The following CTNNA3 variants were observed in gnomAD, a reference collection of about 807,000 sequenced individuals.
CTNNA3 encodes the protein catenin alpha 3.
In CTNNA3, 76 loss-of-function variants were observed where a neutral mutation model predicts 95.7. The ratio of observed to expected loss-of-function variants is 0.79; its 90% CI spans 0.66 to 0.96. The LOEUF (loss-of-function observed/expected upper bound fraction) is 0.96. CTNNA3 is among the 40% of genes least tolerant of loss of function. The probability of loss-of-function intolerance (pLI) is 0.00; values close to 1 mark genes in which losing one functional copy is unlikely to be tolerated. For missense variants in CTNNA3, 1,191 were observed against 1,089.8 expected, an observed-to-expected ratio of 1.09 and a Z score of -1.31; for synonymous variants, 431 against 374.4, an observed-to-expected ratio of 1.15 and a Z score of -1.74.
intron 7 of CTNNA3, among the ~76,000 whole-genome samples, chr10:67,068,946 G>T (rs1315118505): frequency 6.6e-6 from 1 of 152,122 alleles, no homozygotes; most frequent in Non-Finnish European, 1.5e-5. Context: ...TGTAATCCCA[G>T]CTACTCAGGA....
At chr10:67,170,152 G>T (rs868424253) in intron 7 of CTNNA3, among the ~76,000 whole-genome samples, 1 of 152,086 alleles carries the variant, frequency 6.6e-6, no homozygotes, top group Non-Finnish European at 1.5e-5. Flanking sequence ...AGAAAAGGAA[G>T]CACTTATATA....
chr10:67,220,752 A>T (rs1449551596), intron 5 of CTNNA3, among the ~76,000 whole-genome samples: 2 of 152,136 alleles, frequency 1.3e-5, no homozygotes, highest in Non-Finnish European at 2.9e-5. Context: ...GATCAGAACT[A>T]GCTCAATATA....
chr10:67,289,272 A>G (rs913344877), intron 5 of CTNNA3, among the ~76,000 whole-genome samples: 3 of 152,196 alleles, frequency 2.0e-5, no homozygotes, highest in African/African-American at 7.2e-5. Flanking sequence ...CCTTAGATGT[A>G]AAAAGAGAAG....
chr10:66,754,163 G>A (rs1268886251), intron 9 of CTNNA3, among the ~76,000 whole-genome samples: 1 of 152,154 alleles, frequency 6.6e-6, no homozygotes, highest in East Asian at 1.9e-4. Flanking sequence ...AGATAGAGTG[G>A]TACTGGCATA....
intron 9 of CTNNA3, among the ~76,000 whole-genome samples, chr10:66,748,321 C>T (rs1195762067): frequency 6.6e-6 from 1 of 152,118 alleles, no homozygotes; most frequent in African/African-American, 2.4e-5. Flanking sequence ...AATTATACTA[C>T]TGCTTTCATG....
intron 13 of CTNNA3, among the ~76,000 whole-genome samples, chr10:66,138,830 G>A (rs2083472955): frequency 6.6e-6 from 1 of 152,172 alleles, no homozygotes; most frequent in Non-Finnish European, 1.5e-5. Flanking sequence ...CTGCATTCCA[G>A]CCTGGGAACA....
intron 7 of CTNNA3, among the ~76,000 whole-genome samples, chr10:67,160,097 G>A (rs1861470767): frequency 6.6e-6 from 1 of 151,958 alleles, no homozygotes; most frequent in African/African-American, 2.4e-5. Context: ...AAAAAATACA[G>A]ATACTCAGAG....
chr10:66,348,302 T>C (rs1392251248), intron 12 of CTNNA3, among the ~76,000 whole-genome samples: 4 of 152,124 alleles, frequency 2.6e-5, no homozygotes, highest in Non-Finnish European at 5.9e-5. Flanking sequence ...ACAGCAGATT[T>C]GCATTTTGCT....
At chr10:66,693,676 C>G (rs546440154) in intron 9 of CTNNA3, among the ~76,000 whole-genome samples, 4 of 152,114 alleles carry the variant, frequency 2.6e-5, no homozygotes, top group Admixed American at 1.3e-4. Context: ...CAGCACCACA[C>G]CACACCTATT....
At chr10:66,230,079 C>A (rs2089513975) in intron 13 of CTNNA3, among the ~76,000 whole-genome samples, 1 of 151,876 alleles carries the variant, frequency 6.6e-6, no homozygotes, top group South Asian at 2.1e-4. Context: ...CAGGTTGGAT[C>A]TTTTTAAACA....
chr10:66,672,490 G>A (rs2394285), intron 9 of CTNNA3, among the ~76,000 whole-genome samples: 84,264 of 151,752 alleles, frequency 0.56, 24,138 homozygotes, highest in African/African-American at 0.69. Flanking sequence ...ATGAGATGTC[G>A]AAGTTGAGGT....
intron 15 of CTNNA3, among the ~76,000 whole-genome samples, chr10:66,066,410 A>T (rs753596699): frequency 6.6e-6 from 1 of 152,130 alleles, no homozygotes. Context: ...GCTTGTGATT[A>T]TATGTGTGGA....
chr10:67,216,897 T>G (rs905630358), intron 6 of CTNNA3, among the ~76,000 whole-genome samples: 1 of 152,326 alleles, frequency 6.6e-6, no homozygotes, highest in African/African-American at 2.4e-5. Context: ...TCAGCACTTC[T>G]CAGCTCTCAT....
chr10:67,292,551 C>A (rs949547583), intron 5 of CTNNA3, among the ~76,000 whole-genome samples: 2 of 152,060 alleles, frequency 1.3e-5, no homozygotes, highest in African/African-American at 4.8e-5. Context: ...TTTTCAGATT[C>A]CATAATTAGT....
chr10:66,354,770 G>C (rs568473625), intron 12 of CTNNA3, among the ~76,000 whole-genome samples: 2 of 151,902 alleles, frequency 1.3e-5, no homozygotes, highest in African/African-American at 4.8e-5. Context: ...CTCTCTTCCC[G>C]AACTAACTGT....
chr10:66,742,206 C>T (rs889750053), intron 9 of CTNNA3, among the ~76,000 whole-genome samples: 2 of 152,120 alleles, frequency 1.3e-5, no homozygotes, highest in Admixed American at 1.3e-4. Flanking sequence ...CTGAAATGGC[C>T]GCTTTGGGGA....
At chr10:66,843,503 A>G (rs916297732) in intron 7 of CTNNA3, among the ~76,000 whole-genome samples, 1 of 152,176 alleles carries the variant, frequency 6.6e-6, no homozygotes, top group Non-Finnish European at 1.5e-5. Flanking sequence ...AAGCTATGAA[A>G]TGGATTTCTT....
chr10:67,173,511 T>C (rs1333300533), intron 7 of CTNNA3, among the ~76,000 whole-genome samples: 1 of 152,216 alleles, frequency 6.6e-6, no homozygotes, highest in African/African-American at 2.4e-5. Flanking sequence ...ATGTTTATTT[T>C]CTGAAAGACT....
intron 5 of CTNNA3, among the ~76,000 whole-genome samples, chr10:67,309,045 G>A (rs778324965): frequency 1.4e-4 from 21 of 152,068 alleles, no homozygotes; most frequent in South Asian, 4.1e-4. Flanking sequence ...TTCATTTTGT[G>A]AAAAACTTTG....
Sources: gnomAD v4.1 joint callset for allele counts (sites outside exome capture counted in the v4.1 genomes callset) on GRCh38, gnomAD v4.1.1 for gene constraint, MANE v1.5 for transcripts, NCBI Gene and HGNC (gene_info 2026-07-23, HGNC 2026-07-21) for gene names.